Variants in TMEM120B observed in about 807,000 individuals in gnomAD.
The protein encoded by TMEM120B is transmembrane protein 120B.
A neutral mutation model predicts 55.5 loss-of-function variants in TMEM120B; 31 were observed. The observed-to-expected ratio is 0.56, with a 90% CI of 0.42 to 0.75. TMEM120B has a LOEUF of 0.75. Among genes scored for constraint, TMEM120B ranks in the 30% least tolerant of loss-of-function variants. TMEM120B has a pLI of 0.00. For missense variants in TMEM120B, 399 were observed against 425.5 expected, an observed-to-expected ratio of 0.94 and a Z score of 0.55; for synonymous variants, 203 against 176.3, an observed-to-expected ratio of 1.15 and a Z score of -1.20.
chr12:121,771,438 T>C, intron 7 of TMEM120B, 50 bp from the exon 8 acceptor site: 1 of 1,505,636 alleles, frequency 6.6e-7, no homozygotes. Flanking sequence ...GGGAGGAATG[T>C]CTCATTTCAT....
intron 6 of TMEM120B, among the ~76,000 whole-genome samples, chr12:121,767,116 A>G (rs73411782): frequency 0.074 from 11,200 of 151,848 alleles, 565 homozygotes; most frequent in African/African-American, 0.14. Context: ...CTCCTCCTGG[A>G]GCTCATAAAA....
intron 4 of TMEM120B, among the ~76,000 whole-genome samples, chr12:121,750,825 AACACCAC>A (rs1178006168): frequency 1.3e-5 from 1 of 76,378 alleles, no homozygotes; most frequent in Admixed American, 1.4e-4. Context: ...ACCCCACACC[AACACCAC>A]ACACCACACT....
chr12:121,771,899 T>C (rs1329964533), intron 8 of TMEM120B, among the ~76,000 whole-genome samples: 1 of 152,186 alleles, frequency 6.6e-6, no homozygotes, highest in East Asian at 1.9e-4. Context: ...TGGATTTGTA[T>C]ACTGGTCCCA....
intron 1 of TMEM120B, among the ~76,000 whole-genome samples, chr12:121,731,177 T>C (rs924679555): frequency 3.3e-5 from 5 of 152,210 alleles, no homozygotes; most frequent in African/African-American, 1.2e-4. Flanking sequence ...GATGTGTCTG[T>C]CAAAGACAGT....
intron 1 of TMEM120B, among the ~76,000 whole-genome samples, chr12:121,728,981 A>G (rs1010120653): frequency 6.6e-6 from 1 of 152,176 alleles, no homozygotes; most frequent in Admixed American, 6.6e-5. Flanking sequence ...TCCCTGAATT[A>G]CCTGCTGGGT....
Position 121,770,924 on chromosome 12 carries a change from T to C in TMEM120B, c.569T>C (p.Val190Ala). The C allele has an allele frequency of 3.1e-6, 5 of 1,613,992 alleles. No homozygotes were observed. The highest frequency in any genetic ancestry group is 4.2e-6 in the Non-Finnish European group (5 of 1,179,966). Residue 190 changes from valine to alanine, a missense_variant, in exon 7 of 12, where the codon GTG (valine) becomes GCG (alanine). Physicochemically the swap from Val to Ala is moderately conservative, Grantham distance 64. Coordinates refer to ENST00000449592, the MANE Select transcript of TMEM120B (RefSeq NM_001080825.2). ...CTCCCGAGAATTAAAGGCTGGTGGGTGTCTCACCACTACGTCTCCACATTC... is the reference window on the plus strand; with the variant it reads ...CTCCCGAGAATTAAAGGCTGGTGGGCGTCTCACCACTACGTCTCCACATTC... Reference protein sequence around the residue: ...SNGSRIKGWWVSHHYVSTFLS... With the variant: ...SNGSRIKGWWASHHYVSTFLS...
intron 6 of TMEM120B, among the ~76,000 whole-genome samples, chr12:121,767,952 G>T (rs1873902146): frequency 6.6e-6 from 1 of 152,226 alleles, no homozygotes; most frequent in African/African-American, 2.4e-5. Flanking sequence ...ACAAAGGAGT[G>T]TGGCGCCTGC....
chr12:121,775,343 TGGCGGGA>T lies in TMEM120B; in HGVS notation c.906+217_906+223del. 1 of 867,014 alleles carries T rather than the reference TGGCGGGA, an allele frequency of 1.2e-6. No homozygotes were observed. Among genetic ancestry groups the T allele is most frequent in the Non-Finnish European group, 1.4e-6 (1 of 722,200 alleles). The allele number at this position is 867,014 out of a possible 1,614,324, so 53.7% of individuals were successfully genotyped here. A position where few individuals can be genotyped will look rare whatever the true frequency, so the allele number is the denominator to read the frequency against. On this transcript the variant is annotated intron_variant, in intron 11 of 11. Transcript: ENST00000449592. The surrounding 1 kb of genome is among the most constrained non-coding windows in gnomAD (Gnocchi z 4.3). ...TGTGGGGTGTTGTGGGGGGCCTGCTTGGCGGGAGGCTTCTGGAAGGGCTAGGGGTGGA... is the reference window on the plus strand; with the variant it reads ...TGTGGGGTGTTGTGGGGGGCCTGCTTGGCTTCTGGAAGGGCTAGGGGTGGA...
At chr12:121,730,677 A>C (rs965606090) in intron 1 of TMEM120B, among the ~76,000 whole-genome samples, 4 of 137,200 alleles carry the variant, frequency 2.9e-5, no homozygotes, top group South Asian at 2.3e-4. Flanking sequence ...ACAAAAAAAA[A>C]CCGGGCGCGG....
In TMEM120B at chr12:121,780,459, C is replaced by G; in HGVS notation, c.*4737C>G. ...CCCATGCCTCACCCAAAGAGTTGCACGGTCAATTGGCCCGTGAAGGGGACG... is the reference window on the plus strand; with the variant it reads ...CCCATGCCTCACCCAAAGAGTTGCAGGGTCAATTGGCCCGTGAAGGGGACG... On this transcript the variant is annotated 3_prime_UTR_variant, in exon 12 of 12. Transcript: ENST00000449592. 1 of 308,268 alleles carries G rather than the reference C, an allele frequency of 3.2e-6. No individual in the cohort carries two copies. The highest frequency in any genetic ancestry group is 6.0e-6 in the Non-Finnish European group (1 of 165,468). The allele number at this position is 308,268 out of a possible 1,614,324, so 19.1% of individuals were successfully genotyped here.
At chr12:121,759,134 T>TC (rs1873585020) in intron 5 of TMEM120B, 1 of 856,076 alleles carries the variant, frequency 1.2e-6, no homozygotes, top group Non-Finnish European at 1.4e-6. Context: ...TTTTTTTTTT[T>TC]TTCTGAGGTG....
intron 1 of TMEM120B, among the ~76,000 whole-genome samples, chr12:121,719,242 T>A (rs1188345894): frequency 2.0e-5 from 3 of 151,358 alleles, no homozygotes; most frequent in African/African-American, 4.9e-5. Flanking sequence ...AGCTGGTAGT[T>A]TAAAAAAAAA....
At chr12:121,732,586 G>A (rs562047045) in intron 1 of TMEM120B, among the ~76,000 whole-genome samples, 2 of 152,320 alleles carry the variant, frequency 1.3e-5, no homozygotes, top group Admixed American at 1.3e-4. Flanking sequence ...AATGTTTATA[G>A]CATGGAGTGT....
chr12:121,780,831 C>A lies in TMEM120B; in HGVS notation c.*5109C>A. On this transcript the variant is annotated 3_prime_UTR_variant, in exon 12 of 12. Transcript: ENST00000449592. ...CAGAGGCCAAAGGTCCGGGAGGCTT[C>A]ACAGCCACGGCTGTGCCCCAGGGTC... The A allele has an allele frequency of 1.3e-6, 2 of 1,591,140 alleles. No homozygotes were observed. The highest frequency in any genetic ancestry group is 1.7e-6 in the Non-Finnish European group (2 of 1,169,788).
chr12:121,779,779 C>G lies in TMEM120B; in HGVS notation c.*4057C>G. ...GCAGGGATGGAGGCCTTGGTTTGGG[C>G]CTGTCTGTCTCCTCCATCCTGGCTG... On this transcript the variant is annotated 3_prime_UTR_variant, in exon 12 of 12. Transcript: ENST00000449592. 1 of 1,087,210 alleles carries G rather than the reference C, an allele frequency of 9.2e-7. No homozygotes were observed. Among genetic ancestry groups the G allele is most frequent in the Non-Finnish European group, 1.3e-6 (1 of 754,146 alleles). 67.3% of individuals were successfully genotyped at this position (1,087,210 alleles called of 1,614,324 possible).
chr12:121,739,093 A>T (rs987048990), intron 1 of TMEM120B, among the ~76,000 whole-genome samples: 10 of 152,182 alleles, frequency 6.6e-5, no homozygotes, highest in African/African-American at 2.2e-4. Flanking sequence ...AGGCTGAGGC[A>T]GGAGAATTGC....
intron 4 of TMEM120B, among the ~76,000 whole-genome samples, chr12:121,751,477 G>T (rs1435087533): frequency 6.8e-6 from 1 of 147,562 alleles, no homozygotes; most frequent in Admixed American, 6.9e-5. Context: ...AGAGGCCTCC[G>T]GCATTCTGTT....
rs748801161 is a variant in TMEM120B at position 121,775,714 on chromosome 12, C to T, written c.1012C>T (p.Gln338Ter). 5.6e-6 allele frequency: 9 copies of T among 1,613,864 alleles called. No homozygotes were observed. The South Asian group carries it at 8.8e-5, about 16-fold the overall frequency. ...KLQKNRGKTK[Q>*]P is the part of the protein sequence containing the mutation. Reference sequence around the variant, plus strand: ...CCAGAAGAACAGAGGCAAGACAAAGCAGCCGTGAGCCTCGGGCTCCTGTGC... The same window carrying T: ...CCAGAAGAACAGAGGCAAGACAAAGTAGCCGTGAGCCTCGGGCTCCTGTGC... Residue 338 changes from glutamine to a stop codon, truncating the protein, a stop_gained, in exon 12 of 12, where the codon CAG becomes TAG. Transcript: ENST00000449592. LOFTEE classifies it high-confidence loss of function. This position sits in a 1 kb window ranked among gnomAD's most constrained non-coding sequence, Gnocchi z 4.3.
intron 1 of TMEM120B, among the ~76,000 whole-genome samples, chr12:121,741,861 G>T (rs1872941901): frequency 6.6e-6 from 1 of 151,710 alleles, no homozygotes; most frequent in African/African-American, 2.4e-5. Flanking sequence ...TTCCTGGGGG[G>T]CCCAGGAAGG....
Sources: allele counts gnomAD v4.1 joint callset (sites outside exome capture counted in the v4.1 genomes callset), GRCh38; gene constraint gnomAD v4.1.1; non-coding constraint Gnocchi (gnomAD v3.1); transcripts MANE v1.5; gene names NCBI Gene and HGNC (gene_info 2026-07-23, HGNC 2026-07-21).